NDEL1: variants seen among roughly 807,000 people sequenced by gnomAD.
The protein encoded by NDEL1 is nudE neurodevelopment protein 1 like 1.
NDEL1 carries 9 observed loss-of-function variants against 45.7 expected under a neutral mutation model. The ratio of observed to expected loss-of-function variants is 0.20; its 90% CI spans 0.12 to 0.34. NDEL1 has a LOEUF of 0.34. Ranked by LOEUF, NDEL1 falls within the 10% of genes least tolerant of loss-of-function variation. The pLI is 1.00. For synonymous variants in NDEL1, 133 were observed against 158.6 expected (o/e 0.84, Z 1.21); for missense variants, 306 against 406.2 (o/e 0.75, Z 2.12).
intron 7 of NDEL1, among the ~76,000 whole-genome samples, chr17:8,456,444 T>A (rs1038586991): frequency 6.6e-6 from 1 of 151,694 alleles, no homozygotes; most frequent in Admixed American, 6.6e-5. Context: ...TTTAAAAAAA[T>A]TACTTTAACA....
At chr17:8,431,021 T>A (rs1202487215), upstream of NDEL1, among the ~76,000 whole-genome samples, 1 of 152,178 alleles carries the variant, frequency 6.6e-6, no homozygotes, top group Non-Finnish European at 1.5e-5. Flanking sequence ...AATAGTCCAG[T>A]CCTGACAAAC....
intron 8 of NDEL1, among the ~76,000 whole-genome samples, chr17:8,461,690 C>T (rs1204857027): frequency 1.3e-5 from 2 of 152,192 alleles, no homozygotes; most frequent in Non-Finnish European, 2.9e-5. Flanking sequence ...GATGGTTTTA[C>T]ATGAGCGTAG....
downstream of NDEL1, among the ~76,000 whole-genome samples, chr17:8,471,959 T>TGTGG (rs148136337): frequency 0.012 from 1,825 of 152,256 alleles, 29 homozygotes; most frequent in African/African-American, 0.042. Flanking sequence ...GGGAAGCCTG[T>TGTGG]GTGGGTGGGG....
chr17:8,454,039 T>C (rs1910681963), intron 6 of NDEL1, among the ~76,000 whole-genome samples: 1 of 152,200 alleles, frequency 6.6e-6, no homozygotes, highest in Non-Finnish European at 1.5e-5. Flanking sequence ...GATATGTATC[T>C]TATAGACAAC....
At chr17:8,420,927 T>C (rs1424449421) in intron 1 of NDEL1, among the ~76,000 whole-genome samples, 2 of 152,190 alleles carry the variant, frequency 1.3e-5, no homozygotes, top group Admixed American at 1.3e-4. Flanking sequence ...ATTACCCTTT[T>C]CTGTAAATTC....
chr17:8,450,288 CAAA>C (rs5819194), intron 5 of NDEL1, among the ~76,000 whole-genome samples: 5 of 115,692 alleles, frequency 4.3e-5, no homozygotes, highest in Admixed American at 2.8e-4. Context: ...GACTCCGTCT[CAAA>C]AAAAAAAAAA....
Position 8,450,944 on chromosome 17 carries a change from T to C in NDEL1, c.691T>C (p.Ser231Pro). Residue 231 changes from serine to proline, a missense_variant, in exon 6 of 9, where the codon TCA (serine) becomes CCA (proline). Ser to Pro is a moderately conservative substitution (Grantham distance 74). This residue lies in a region of NDEL1 where 175 missense variants were observed against 205.2 expected (regional missense o/e 0.85). Transcript: ENST00000334527. The part of the protein sequence containing the change: ...VGKGTENTFP[S>P]PKAIPNGFGT... Reference sequence around the variant, plus strand: ...CAAAGGAACGGAGAACACTTTTCCTTCACCGAAAGGTTTGTAATGTCTTTT... The same window carrying C: ...CAAAGGAACGGAGAACACTTTTCCTCCACCGAAAGGTTTGTAATGTCTTTT... 1.2e-6 allele frequency: 2 copies of C among 1,609,666 alleles called. No individual in the cohort carries two copies. Among genetic ancestry groups the C allele is most frequent in the Non-Finnish European group, 8.5e-7 (1 of 1,178,712 alleles).
intron 8 of NDEL1, 93 bp downstream of exon 8, chr17:8,460,253 G>C: frequency 7.3e-7 from 1 of 1,373,888 alleles, no homozygotes; most frequent in Non-Finnish European, 9.9e-7. Context: ...GGTAAACTCA[G>C]CTTGACAAAC....
At chr17:8,469,999 T>G (rs1190817250), downstream of NDEL1, among the ~76,000 whole-genome samples, 1 of 151,896 alleles carries the variant, frequency 6.6e-6, no homozygotes, top group African/African-American at 2.4e-5. Context: ...TGGGCCACCG[T>G]GGCTGGCCTT....
chr17:8,472,812 C>T (rs937464195), downstream of NDEL1, among the ~76,000 whole-genome samples: 13 of 152,310 alleles, frequency 8.5e-5, no homozygotes, highest in Middle Eastern at 3.4e-3. Context: ...AACGAAGCCC[C>T]GGCACTGCCT....
chr17:8,456,056 C>G (rs966751670), intron 7 of NDEL1, among the ~76,000 whole-genome samples: 2 of 152,178 alleles, frequency 1.3e-5, no homozygotes, highest in Admixed American at 6.5e-5. Flanking sequence ...ATTGCCATTT[C>G]CCACTATCTA....
chr17:8,441,117 CA>C (rs1378260105), intron 1 of NDEL1, among the ~76,000 whole-genome samples: 1 of 152,024 alleles, frequency 6.6e-6, no homozygotes, highest in African/African-American at 2.4e-5. Flanking sequence ...ACTGAAAACT[CA>C]AAAGAAAAAT....
chr17:8,441,493 A>G (rs965939622), intron 1 of NDEL1, among the ~76,000 whole-genome samples: 2 of 152,272 alleles, frequency 1.3e-5, no homozygotes, highest in African/African-American at 4.8e-5. Flanking sequence ...AGTTGCTTCA[A>G]ATAAGATAAA....
upstream of NDEL1, among the ~76,000 whole-genome samples, chr17:8,433,608 T>C (rs1235229134): frequency 2.6e-5 from 4 of 152,232 alleles, no homozygotes; most frequent in Admixed American, 6.5e-5. Flanking sequence ...TTTCTTATCT[T>C]TCTTGGTGCT....
At chr17:8,428,326 GTGTGTGTGTGTGT>G (rs1908894319) in intron 1 of NDEL1, among the ~76,000 whole-genome samples, 1 of 127,886 alleles carries the variant, frequency 7.8e-6, no homozygotes, top group Non-Finnish European at 1.6e-5. Flanking sequence ...TGTGTGTGGT[GTGTGTGTGTGTGT>G]GTGTGTGTGT....
intron 1 of NDEL1, among the ~76,000 whole-genome samples, chr17:8,415,082 T>C (rs2151690418): frequency 6.7e-6 from 1 of 149,068 alleles, no homozygotes; most frequent in East Asian, 2.0e-4. Context: ...CTCTCTCTTT[T>C]GGATACCACC....
In NDEL1 at chr17:8,468,028, C is replaced by T. The variant is rs557713605; in HGVS notation, c.*1005C>T. Reference sequence around the variant, plus strand: ...CTTTGTAGCTTTTATTTATTCAGAACGCATACGGCATGTTAATGACTCTGA... The same window carrying T: ...CTTTGTAGCTTTTATTTATTCAGAATGCATACGGCATGTTAATGACTCTGA... On this transcript the variant is annotated 3_prime_UTR_variant, in exon 9 of 9. Coordinates refer to ENST00000334527, the MANE Select transcript of NDEL1 (RefSeq NM_030808.5). 1.3e-5 allele frequency: 2 copies of T among 152,690 alleles called. No homozygotes were observed. Among genetic ancestry groups the T allele is most frequent in the African/African-American group, 2.4e-5 (1 of 41,532 alleles). 9.5% of individuals were successfully genotyped at this position (152,690 alleles called of 1,614,324 possible).
chr17:8,466,633 A>C, intron 8 of NDEL1: 1 of 352,242 alleles, frequency 2.8e-6, no homozygotes, highest in East Asian at 5.3e-5. Flanking sequence ...CTAGTTCCCT[A>C]TTGCCAGGCA....
At chr17:8,459,586 G>A (rs1014262788) in intron 7 of NDEL1, among the ~76,000 whole-genome samples, 1 of 152,062 alleles carries the variant, frequency 6.6e-6, no homozygotes, top group African/African-American at 2.4e-5. Context: ...ATTGGCTGCC[G>A]TAAAAAAAAT....
Sources: gnomAD v4.1 joint callset for allele counts (sites outside exome capture counted in the v4.1 genomes callset) on GRCh38, gnomAD v4.1.1 for gene constraint, gnomAD v4.1.1 regional missense constraint, MANE v1.5 for transcripts, NCBI Gene and HGNC (gene_info 2026-07-23, HGNC 2026-07-21) for gene names.